Variants in ATF1 observed in about 807,000 individuals in gnomAD.
The protein encoded by ATF1 is cyclic AMP-dependent transcription factor ATF-1.
In ATF1, 16 loss-of-function variants were observed where a neutral mutation model predicts 34.7. The observed-to-expected ratio is 0.46, with a 90% CI of 0.31 to 0.70. The LOEUF is 0.70. ATF1 is among the 30% of genes least tolerant of loss of function. The pLI, the probability that ATF1 is intolerant of heterozygous loss-of-function variation, is 0.05. For synonymous variants in ATF1, 105 were observed against 113.1 expected (o/e 0.93, Z 0.46); for missense variants, 255 against 321.6 (o/e 0.79, Z 1.58).
chr12:50,809,395 A>AG, intron 3 of ATF1, 61 bp from the exon 4 acceptor site: 1 of 1,197,732 alleles, frequency 8.3e-7, no homozygotes, highest in Admixed American at 2.6e-5. Flanking sequence ...AAAAAAAAAA[A>AG]TTATTTTTGT....
At chr12:50,776,072 G>A (rs1255239550) in intron 1 of ATF1, among the ~76,000 whole-genome samples, 2 of 152,086 alleles carry the variant, frequency 1.3e-5, no homozygotes, top group East Asian at 1.9e-4. Context: ...CAGCACTTTG[G>A]GAGGCCGAGG....
chr12:50,816,350 C>G (rs180703176), intron 6 of ATF1, among the ~76,000 whole-genome samples: 2 of 151,548 alleles, frequency 1.3e-5, no homozygotes, highest in East Asian at 2.0e-4. Flanking sequence ...AAATAGGTAA[C>G]AGAGACTGGG....
chr12:50,809,423 C>A (rs1223210864), intron 3 of ATF1, 33 bp from the exon 4 acceptor site: 3 of 1,480,944 alleles, frequency 2.0e-6, no homozygotes, highest in Non-Finnish European at 1.8e-6. Context: ...TTCACATTAC[C>A]AATGTTTAAT....
chr12:50,813,899 G>T, intron 4 of ATF1, 111 bp from the exon 5 acceptor site: 1 of 987,342 alleles, frequency 1.0e-6, no homozygotes. Flanking sequence ...TTACCAAGTA[G>T]AAGTGCATTC....
At chr12:50,819,597 GT>G in intron 6 of ATF1, 37 bp from the exon 7 acceptor site, 1 of 1,598,358 alleles carries the variant, frequency 6.3e-7, no homozygotes, top group South Asian at 1.1e-5. Context: ...AGAATGTGAA[GT>G]TTTTTCTAAC....
intron 2 of ATF1, among the ~76,000 whole-genome samples, chr12:50,791,415 G>A (rs906723780): frequency 6.6e-6 from 1 of 152,120 alleles, no homozygotes; most frequent in African/African-American, 2.4e-5. Context: ...AATTAGCTGG[G>A]CGTGGTCACG....
chr12:50,799,412 T>C (rs140093258), intron 3 of ATF1, among the ~76,000 whole-genome samples: 2 of 152,182 alleles, frequency 1.3e-5, no homozygotes, highest in East Asian at 3.9e-4. Context: ...GCAACAAGAA[T>C]ATAAAACATT....
chr12:50,784,271 C>T (rs1941136017), intron 2 of ATF1, among the ~76,000 whole-genome samples: 3 of 152,128 alleles, frequency 2.0e-5, no homozygotes, highest in Non-Finnish European at 1.5e-5. Flanking sequence ...ATCTTATATT[C>T]TAATTTTGGA....
intron 2 of ATF1, among the ~76,000 whole-genome samples, chr12:50,790,266 G>T (rs757206956): frequency 6.7e-6 from 1 of 148,364 alleles, no homozygotes; most frequent in African/African-American, 2.5e-5. Context: ...GTGCAGTGGC[G>T]CAATCACAGC....
intron 3 of ATF1, among the ~76,000 whole-genome samples, chr12:50,800,829 G>A (rs1941497418): frequency 6.6e-6 from 1 of 152,212 alleles, no homozygotes; most frequent in Non-Finnish European, 1.5e-5. Context: ...GCTGGGCGCG[G>A]TGGCTCATGC....
Position 50,819,363 on chromosome 12 carries a change from AGTTGCTTGGAAG to A in ATF1, c.672-270_672-259del, listed in dbSNP as rs376261496. Among the ~76,000 whole-genome samples, 182 of 152,308 alleles carry A rather than the reference AGTTGCTTGGAAG, an allele frequency of 1.2e-3. 1 individual carries two copies. The highest frequency in any genetic ancestry group is 6.8e-3 in the Middle Eastern group (2 of 294). On this transcript the variant is annotated intron_variant, in intron 6 of 6. Transcript: ENST00000262053. ...CTCTGGTGATAAAAATCAAAACGATAGTTGCTTGGAAGGGGGCTGACCAGGAAGGGGCATGAG... is the reference window on the plus strand; with the variant it reads ...CTCTGGTGATAAAAATCAAAACGATAGGGGCTGACCAGGAAGGGGCATGAG...
chr12:50,763,604 C>A (rs1940543437), upstream of ATF1: 2 of 146,234 alleles, frequency 1.4e-5, no homozygotes, highest in Non-Finnish European at 3.0e-5. Flanking sequence ...CACAGACCCC[C>A]GTCTCAATCT....
chr12:50,766,386 A>G (rs766168232), intron 1 of ATF1, among the ~76,000 whole-genome samples: 1 of 152,076 alleles, frequency 6.6e-6, no homozygotes, highest in Non-Finnish European at 1.5e-5. Flanking sequence ...GCACTATGGG[A>G]TATTAACTGC....
chr12:50,781,993 T>C (rs141535794), intron 2 of ATF1, among the ~76,000 whole-genome samples: 357 of 151,972 alleles, frequency 2.3e-3, no homozygotes, highest in African/African-American at 8.2e-3. Context: ...ATTTTAATGT[T>C]AACAATACAC....
At chr12:50,787,750 A>C (rs1000269766) in intron 2 of ATF1, among the ~76,000 whole-genome samples, 1 of 152,190 alleles carries the variant, frequency 6.6e-6, no homozygotes, top group African/African-American at 2.4e-5. Context: ...TAAAAAAAAA[A>C]AATGGTGACA....
intron 1 of ATF1, among the ~76,000 whole-genome samples, chr12:50,772,694 CTTTTA>C (rs1940806497): frequency 7.0e-6 from 1 of 142,902 alleles, no homozygotes; most frequent in South Asian, 2.2e-4. Context: ...CTCTCTCTCT[CTTTTA>C]TTTTAAGAGA....
At chr12:50,811,724 G>A (rs142565679) in intron 4 of ATF1, among the ~76,000 whole-genome samples, 5 of 151,654 alleles carry the variant, frequency 3.3e-5, no homozygotes, top group African/African-American at 9.7e-5. Context: ...CTGGGAGTTC[G>A]AAGTTACCGT....
At chr12:50,798,032 G>A (rs1334171109) in intron 3 of ATF1, among the ~76,000 whole-genome samples, 1 of 151,428 alleles carries the variant, frequency 6.6e-6, no homozygotes, top group Non-Finnish European at 1.5e-5. Flanking sequence ...AAAAAAATTA[G>A]GTAGGCATGG....
At chr12:50,797,800 C>CT (rs1941437952) in intron 3 of ATF1, among the ~76,000 whole-genome samples, 1 of 152,102 alleles carries the variant, frequency 6.6e-6, no homozygotes, top group African/African-American at 2.4e-5. Context: ...GAGAAAGTAA[C>CT]TTTTGACCTG....
Sources: gnomAD v4.1 joint callset for allele counts (sites outside exome capture counted in the v4.1 genomes callset) on GRCh38, gnomAD v4.1.1 for gene constraint, MANE v1.5 for transcripts, NCBI Gene and HGNC (gene_info 2026-07-23, HGNC 2026-07-21) for gene names.